KIR3DL1: variants seen among roughly 807,000 people sequenced by gnomAD.
The protein encoded by KIR3DL1 is killer cell immunoglobulin-like receptor 3DL1.
A neutral mutation model predicts 40.3 loss-of-function variants in KIR3DL1; 50 were observed. The observed-to-expected ratio is 1.24, with a 90% confidence interval of 0.99 to 1.57. The LOEUF is 1.57. KIR3DL1 is among the 40% of genes most tolerant of loss of function. The pLI is 0.00. For missense variants in KIR3DL1, 661 were observed against 559.9 expected (o/e 1.18, Z -1.82); for synonymous variants, 257 against 207.2 (o/e 1.24, Z -2.07).
intron 5 of KIR3DL1, among the ~76,000 whole-genome samples, chr19:54,824,282 T>C (rs1253511362): frequency 6.6e-6 from 1 of 151,552 alleles, no homozygotes; most frequent in Non-Finnish European, 1.5e-5. Context: ...CAGGTATAGA[T>C]GCAGTTTTAT....
In KIR3DL1 at chr19:54,829,345, T is replaced by A; in HGVS notation, c.1001-16T>A. On this transcript the variant is annotated splice_polypyrimidine_tract_variant and intron_variant, in intron 6 of 8. Transcript: ENST00000391728. ...TGCTATGATTAGCTTCTTACTGGTG[T>A]CTCCTCTTCTTCCAGGTAACCCCAG... 6.9e-7 allele frequency: 1 copy of A among 1,451,980 alleles called. No homozygotes were observed. The highest frequency in any genetic ancestry group is 9.5e-7 in the Non-Finnish European group (1 of 1,055,914). 89.9% of individuals were successfully genotyped at this position (1,451,980 alleles called of 1,614,324 possible).
chr19:54,826,648 T>C, intron 6 of KIR3DL1, among the ~76,000 whole-genome samples: 1 of 148,822 alleles, frequency 6.7e-6, no homozygotes, highest in Admixed American at 6.7e-5. Context: ...TAGATAATGC[T>C]GAGTGTATAA....
At chr19:54,828,495 A>G (rs2062025876) in intron 6 of KIR3DL1, among the ~76,000 whole-genome samples, 1 of 151,056 alleles carries the variant, frequency 6.6e-6, no homozygotes. Flanking sequence ...AGAAGCCTAC[A>G]TTTCAATGTG....
intron 6 of KIR3DL1, among the ~76,000 whole-genome samples, chr19:54,826,195 C>T (rs1372426099): frequency 6.6e-6 from 1 of 150,392 alleles, no homozygotes; most frequent in East Asian, 1.9e-4. Flanking sequence ...CATTTGGCCT[C>T]TGCTCTTGGG....
chr19:54,828,454 C>T lies in KIR3DL1; in HGVS notation c.1001-907C>T, dbSNP rs1008223424. Among the ~76,000 whole-genome samples, 14 of 151,176 alleles carry T rather than the reference C, an allele frequency of 9.3e-5. 1 individual carries two copies. The highest frequency in any genetic ancestry group is 3.4e-4 in the African/African-American group (14 of 40,754). On this transcript the variant is annotated intron_variant, in intron 6 of 8. Transcript: ENST00000391728. ...AGAGAATACGTTACATAGGCAGGTT[C>T]ATTACTAACAGATAAGCAGCGAGTG...
chr19:54,822,673 C>A lies in KIR3DL1; in HGVS notation c.949+815C>A, dbSNP rs1370415911. ...TATTCTTTTTTTTGTTACCCTCCACCCTTCCCTTCCTGGCCTCTGGTGTCC... is the reference window on the plus strand; with the variant it reads ...TATTCTTTTTTTTGTTACCCTCCACACTTCCCTTCCTGGCCTCTGGTGTCC... On this transcript the variant is annotated intron_variant, in intron 5 of 8. Transcript: ENST00000391728. 3.3e-5 allele frequency among the ~76,000 whole-genome samples: 5 copies of A among 150,906 alleles called. 1 individual carries two copies. Among genetic ancestry groups the A allele is most frequent in the Non-Finnish European group, 7.4e-5 (5 of 67,924 alleles).
At chr19:54,819,303 G>A (rs1415031594) in intron 3 of KIR3DL1, among the ~76,000 whole-genome samples, 3 of 122,648 alleles carry the variant, frequency 2.4e-5, no homozygotes, top group Admixed American at 1.7e-4. Context: ...TGGTGGGCAC[G>A]AGTAATCCAA....
At chr19:54,827,124 T>C (rs12976350) in intron 6 of KIR3DL1, among the ~76,000 whole-genome samples, 54,771 of 131,692 alleles carry the variant, frequency 0.42, 8,645 homozygotes, top group South Asian at 0.51. Context: ...ATAAGCTATG[T>C]TTGGGAGGTA....
chr19:54,829,890 G>T, intron 7 of KIR3DL1, 38 bp from the exon 8 acceptor site: 1 of 1,511,646 alleles, frequency 6.6e-7, no homozygotes, highest in Non-Finnish European at 9.0e-7. Flanking sequence ...ACCCAGAAGT[G>T]CCCTCCGAGC....
At chr19:54,816,520 G>T (rs1418339927) in exon 1 of KIR3DL1, 19 of 1,608,248 alleles carry the variant, frequency 1.2e-5, no homozygotes, top group East Asian at 6.7e-5. Context: ...ATGGTCGTCA[G>T]CATGGCGTGT....
chr19:54,819,014 A>G (rs914388219), intron 3 of KIR3DL1, among the ~76,000 whole-genome samples: 3 of 150,990 alleles, frequency 2.0e-5, no homozygotes, highest in Non-Finnish European at 2.9e-5. Flanking sequence ...TTGAAGGTGG[A>G]GGAAGACCAC....
At chr19:54,821,390 A>G (rs1346179615) in intron 4 of KIR3DL1, among the ~76,000 whole-genome samples, 175 bp from the exon 5 acceptor site, 1 of 151,160 alleles carries the variant, frequency 6.6e-6, no homozygotes, top group Non-Finnish European at 1.5e-5. Flanking sequence ...TCATAGACCT[A>G]GAGAGACAGA....
At chr19:54,821,464 G>T (rs1429793693) in intron 4 of KIR3DL1, 101 bp from the exon 5 acceptor site, 9 of 1,336,072 alleles carry the variant, frequency 6.7e-6, no homozygotes, top group African/African-American at 1.5e-5. Flanking sequence ...GAGAGAGAGA[G>T]CATTAGGTCA....
At chr19:54,823,794 A>G (rs1280459173) in intron 5 of KIR3DL1, among the ~76,000 whole-genome samples, 1 of 151,608 alleles carries the variant, frequency 6.6e-6, no homozygotes, top group East Asian at 1.9e-4. Context: ...CCTAAAAGGC[A>G]TTTTAATGGG....
rs2061657854 is a variant in KIR3DL1 at position 54,821,846 on chromosome 19, G to C, written c.937G>C (p.Val313Leu). ...GTCAGACCCGAGTGACCCACTGCTT[G>C]TTTCTGTCACAGGTGAGAAAAGCCC... The change falls in exon 5 of 9, where the codon GTT becomes CTT. Residue 313 changes from valine (V) to leucine (L), a missense_variant. Val to Leu is a conservative substitution (Grantham distance 32). Transcript: ENST00000391728. 8 of 1,601,312 alleles carry C rather than the reference G, an allele frequency of 5.0e-6. 1 individual carries two copies. The highest frequency in any genetic ancestry group is 2.2e-5 in the East Asian group (1 of 44,580).
rs796123319 is a variant in KIR3DL1 at position 54,818,297 on chromosome 19, T to A, written c.71-18T>A. 2 of 1,589,594 alleles carry A rather than the reference T, an allele frequency of 1.3e-6. No homozygotes were observed. The highest frequency in any genetic ancestry group is 1.7e-6 in the Non-Finnish European group (2 of 1,167,744). On this transcript the variant is annotated intron_variant, in intron 2 of 8. Coordinates refer to ENST00000391728, the Ensembl canonical transcript of KIR3DL1. The stretch of plus-strand genomic sequence containing the variant: ...CTCCACATCCTCCTCTCTAAGGCAG[T>A]GCCTCCTTCTCCCCCAGGTGGTCAG...
intron 1 of KIR3DL1, 67 bp from the exon 2 acceptor site, chr19:54,817,467 C>T: frequency 7.7e-7 from 1 of 1,298,424 alleles, no homozygotes. Context: ...ACGCACAGCC[C>T]AGTGGGGGCA....
At chr19:54,826,313 T>G (rs2061885838) in intron 6 of KIR3DL1, among the ~76,000 whole-genome samples, 1 of 150,144 alleles carries the variant, frequency 6.7e-6, no homozygotes, top group African/African-American at 2.5e-5. Flanking sequence ...TCTATTTGTT[T>G]GTTCGTTCAT....
At chr19:54,817,697 C>T in intron 2 of KIR3DL1, 128 bp downstream of exon 2, 5 of 748,240 alleles carry the variant, frequency 6.7e-6, no homozygotes, top group Admixed American at 2.5e-5. Flanking sequence ...GCTCGGCCCA[C>T]ATTTCTGACC....
Sources: allele counts gnomAD v4.1 joint callset (sites outside exome capture counted in the v4.1 genomes callset), GRCh38; gene constraint gnomAD v4.1.1; transcripts MANE v1.5; gene names NCBI Gene and HGNC (gene_info 2026-07-23, HGNC 2026-07-21).